Variants in AGMO observed in about 807,000 individuals in gnomAD.
AGMO encodes the protein alkylglycerol monooxygenase.
A neutral mutation model predicts 60.2 loss-of-function variants in AGMO; 75 were observed. The observed-to-expected ratio is 1.25, with a 90% CI of 1.03 to 1.51. AGMO has a LOEUF of 1.51. Among genes scored for constraint, AGMO ranks in the 40% most tolerant of loss-of-function variants. AGMO has a pLI of 0.00. For synonymous variants in AGMO, 261 were observed against 177.1 expected, an observed-to-expected ratio of 1.47 and a Z score of -3.76; for missense variants, 763 against 525.5, an observed-to-expected ratio of 1.45 and a Z score of -4.42.
chr7:15,555,063 C>T (rs1163984081), intron 2 of AGMO, among the ~76,000 whole-genome samples: 3 of 151,742 alleles, frequency 2.0e-5, no homozygotes, highest in African/African-American at 7.3e-5. Context: ...TACACTCATA[C>T]AAATCTGCCA....
chr7:15,263,046 A>G (rs1393976687), intron 12 of AGMO, among the ~76,000 whole-genome samples: 1 of 152,176 alleles, frequency 6.6e-6, no homozygotes, highest in African/African-American at 2.4e-5. Context: ...AAGAACCCAA[A>G]AGCAAATGCA....
intron 12 of AGMO, among the ~76,000 whole-genome samples, chr7:15,201,940 A>C (rs1355192291): frequency 1.1e-4 from 16 of 152,150 alleles, no homozygotes; most frequent in African/African-American, 9.6e-5. Context: ...GCAGCCTGAA[A>C]ATTTCATTGA....
At chr7:15,416,029 T>TTTC (rs770600976) in intron 5 of AGMO, among the ~76,000 whole-genome samples, 5 of 143,922 alleles carry the variant, frequency 3.5e-5, no homozygotes, top group Admixed American at 7.0e-5. Flanking sequence ...CTTTTTTTCT[T>TTTC]TTTTTTTTTT....
chr7:15,384,814 TC>T lies in AGMO; in HGVS notation c.1074+631del, dbSNP rs1783846388. On this transcript the variant is annotated intron_variant, in intron 10 of 12. Transcript: ENST00000342526. ...TAAATCTATAAAAAATACCTGTTTT[TC>T]TCTTTTTTTTTTTTTTTTTGCAATT... Among the ~76,000 whole-genome samples, 5 of 80,398 alleles carry T rather than the reference TC, an allele frequency of 6.2e-5. No homozygotes were observed. The South Asian group carries it at 2.3e-3, about 36-fold the overall frequency. 52.7% of individuals were successfully genotyped at this position (80,398 alleles called of 152,430 possible).
At chr7:15,392,104 C>T (rs1290658238) in intron 6 of AGMO, among the ~76,000 whole-genome samples, 1 of 151,806 alleles carries the variant, frequency 6.6e-6, no homozygotes, top group African/African-American at 2.4e-5. Context: ...GAGTCTCACT[C>T]TGTTGTCCAG....
At chr7:15,163,599 T>G in the AGMO span, among the ~76,000 whole-genome samples, 14 of 152,284 alleles carry the variant, frequency 9.2e-5, no homozygotes, top group East Asian at 2.7e-3. Context: ...TATTTTTAAT[T>G]TTGTTTATAT....
chr7:15,520,518 C>T lies in AGMO; in HGVS notation c.409+24254G>A, dbSNP rs566261658. Among the ~76,000 whole-genome samples, 7 of 152,256 alleles carry T rather than the reference C, an allele frequency of 4.6e-5. No homozygotes were observed. In the East Asian group the frequency reaches 1.4e-3, roughly 29 times the overall value. On this transcript the variant is annotated intron_variant, in intron 3 of 12. Transcript: ENST00000342526. ...ACAGTCTCTCAGACCATAGCGCAAT[C>T]AAATTAGAACTCAGGATTAAGAAAC...
intron 12 of AGMO, among the ~76,000 whole-genome samples, chr7:15,329,604 A>G (rs1438236222): frequency 6.6e-6 from 1 of 152,236 alleles, no homozygotes; most frequent in Non-Finnish European, 1.5e-5. Flanking sequence ...TGCCATTTTC[A>G]TATAGTTAAC....
At chr7:15,353,488 T>C (rs1782336966) in intron 12 of AGMO, among the ~76,000 whole-genome samples, 1 of 152,170 alleles carries the variant, frequency 6.6e-6, no homozygotes, top group African/African-American at 2.4e-5. Context: ...AATCCCTGCC[T>C]GTTTTCAGAC....
chr7:15,220,970 T>A (rs1324590936), intron 12 of AGMO, among the ~76,000 whole-genome samples: 1 of 151,918 alleles, frequency 6.6e-6, no homozygotes, highest in Non-Finnish European at 1.5e-5. Flanking sequence ...ATAATGAAAA[T>A]CATAAAAACA....
chr7:15,213,263 C>T (rs1298620316), intron 12 of AGMO, among the ~76,000 whole-genome samples: 1 of 151,432 alleles, frequency 6.6e-6, no homozygotes, highest in East Asian at 1.9e-4. Context: ...CTAGAAAAAA[C>T]ATTGGCTGAG....
chr7:15,383,458 TAAAAGTCCTGCTC>T (rs1287759739), intron 10 of AGMO, among the ~76,000 whole-genome samples: 2 of 151,706 alleles, frequency 1.3e-5, no homozygotes, highest in Non-Finnish European at 2.9e-5. Context: ...CACTCCTGCC[TAAAAGTCCTGCTC>T]AGGACCTATT....
intron 12 of AGMO, among the ~76,000 whole-genome samples, chr7:15,241,530 G>A (rs1782588526): frequency 7.2e-6 from 1 of 139,358 alleles, no homozygotes; most frequent in Admixed American, 7.2e-5. Context: ...AGGAAATAAT[G>A]ATCACCATGG....
At chr7:15,432,704 A>G (rs1781289710) in intron 3 of AGMO, among the ~76,000 whole-genome samples, 1 of 151,924 alleles carries the variant, frequency 6.6e-6, no homozygotes, top group South Asian at 2.1e-4. Flanking sequence ...CATTTGTAGG[A>G]AAGACATTGT....
chr7:15,415,651 C>A (rs1344631293), intron 5 of AGMO, among the ~76,000 whole-genome samples: 2 of 151,970 alleles, frequency 1.3e-5, no homozygotes, highest in African/African-American at 2.4e-5. Flanking sequence ...TATACATAAA[C>A]AATGTGATAA....
chr7:15,385,494 C>G lies in AGMO; in HGVS notation c.1026G>C (p.Gln342His). The change falls in exon 10 of 13, where the codon CAG becomes CAC. Residue 342 changes from glutamine to histidine, a missense_variant. By Grantham distance (24) the Gln-to-His change is conservative. Coordinates refer to ENST00000342526, the MANE Select transcript of AGMO (RefSeq NM_001004320.2). The stretch of plus-strand genomic sequence containing the variant: ...CATAAAATGCCAACATCAGAGCAAA[C>G]TGTACAACTGTATATATCTTTAATA... ...SQLLKIYTVVQFALMLAFYEE... is the reference protein window; with the variant it reads ...SQLLKIYTVVHFALMLAFYEE... The G allele has an allele frequency of 1.9e-6, 3 of 1,613,176 alleles. No homozygotes were observed. The highest frequency in any genetic ancestry group is 2.2e-5 in the East Asian group (1 of 44,784).
At chr7:15,210,263 T>C (rs998606751) in intron 12 of AGMO, among the ~76,000 whole-genome samples, 2 of 152,164 alleles carry the variant, frequency 1.3e-5, no homozygotes, top group African/African-American at 2.4e-5. Flanking sequence ...CATTACCATT[T>C]GCATTACATT....
chr7:15,354,383 CGT>C (rs1170641446), intron 12 of AGMO, among the ~76,000 whole-genome samples: 3,639 of 10,454 alleles, frequency 0.35, 387 homozygotes, highest in Middle Eastern at 0.42. Flanking sequence ...TGTGTATACA[CGT>C]GTGTGTATAC....
the AGMO span, among the ~76,000 whole-genome samples, chr7:15,136,404 T>C: frequency 6.6e-6 from 1 of 152,222 alleles, no homozygotes; most frequent in African/African-American, 2.4e-5. Flanking sequence ...AGCTGCACTA[T>C]TCCATTTATA....
Sources: allele counts gnomAD v4.1 joint callset (sites outside exome capture counted in the v4.1 genomes callset), GRCh38; gene constraint gnomAD v4.1.1; transcripts MANE v1.5; gene names NCBI Gene and HGNC (gene_info 2026-07-23, HGNC 2026-07-21).